GALNTL6: variants seen among roughly 807,000 people sequenced by gnomAD.
The protein encoded by GALNTL6 is polypeptide N-acetylgalactosaminyltransferase-like 6.
Under a neutral mutation model 73.7 loss-of-function variants are expected in GALNTL6, and 46 were observed. The ratio of observed to expected loss-of-function variants is 0.62; its 90% confidence interval spans 0.49 to 0.80. The LOEUF (loss-of-function observed/expected upper bound fraction) is 0.80, where lower values mean the gene tolerates loss of function less well. Ranked by LOEUF, GALNTL6 falls within the 30% of genes least tolerant of loss-of-function variation. GALNTL6 has a pLI of 0.00. For missense variants in GALNTL6, 604 were observed against 755.0 expected, an observed-to-expected ratio of 0.80 and a Z score of 2.34; for synonymous variants, 259 against 263.7, an observed-to-expected ratio of 0.98 and a Z score of 0.17.
intron 3 of GALNTL6, among the ~76,000 whole-genome samples, chr4:172,259,021 T>A (rs183231787): frequency 1.3e-5 from 2 of 151,404 alleles, no homozygotes; most frequent in African/African-American, 2.4e-5. Flanking sequence ...ACTGGTTCCA[T>A]ATTTTTGCAG....
intron 5 of GALNTL6, among the ~76,000 whole-genome samples, chr4:172,802,518 G>A (rs1236638834): frequency 6.6e-6 from 1 of 152,134 alleles, no homozygotes; most frequent in Admixed American, 6.5e-5. Context: ...TAAGGGGGCC[G>A]GGCGCAGTGG....
chr4:172,738,514 C>T (rs1736599464), intron 5 of GALNTL6, among the ~76,000 whole-genome samples: 2 of 152,052 alleles, frequency 1.3e-5, no homozygotes, highest in African/African-American at 2.4e-5. Context: ...ATACTCTACT[C>T]AAAAGGTATG....
intron 5 of GALNTL6, among the ~76,000 whole-genome samples, chr4:172,612,665 A>T (rs897219883): frequency 6.6e-6 from 1 of 152,052 alleles, no homozygotes; most frequent in Non-Finnish European, 1.5e-5. Flanking sequence ...TTGCACAATT[A>T]TACAGGAGAC....
At chr4:171,927,306 T>C (rs1578979596) in intron 2 of GALNTL6, among the ~76,000 whole-genome samples, 1 of 152,286 alleles carries the variant, frequency 6.6e-6, no homozygotes, top group East Asian at 1.9e-4. Context: ...TTTTGTTTTT[T>C]AGAAGAAGAG....
intron 5 of GALNTL6, among the ~76,000 whole-genome samples, chr4:172,728,159 G>T (rs960679029): frequency 3.3e-5 from 5 of 152,138 alleles, no homozygotes; most frequent in Non-Finnish European, 7.4e-5. Context: ...GCCTCCCAAA[G>T]TGCTGGGATT....
chr4:172,588,765 CCA>C (rs1737521979), intron 5 of GALNTL6, among the ~76,000 whole-genome samples: 1 of 152,108 alleles, frequency 6.6e-6, no homozygotes, highest in Non-Finnish European at 1.5e-5. Flanking sequence ...CATACAGTTT[CCA>C]GTTATGCAAT....
In GALNTL6 at chr4:172,712,200, T is replaced by C. The variant is rs150233922; in HGVS notation, c.554-97161T>C. ...ATTGCACTCTAAGAAAAAAACTTGCTACAAGTAAAATATAAGGAAATCATT... is the reference window on the plus strand; with the variant it reads ...ATTGCACTCTAAGAAAAAAACTTGCCACAAGTAAAATATAAGGAAATCATT... On this transcript the variant is annotated intron_variant, in intron 5 of 12. Transcript: ENST00000506823. Among the ~76,000 whole-genome samples the C allele has an allele frequency of 8.5e-3, 1,288 of 152,302 alleles. 16 individuals carry two copies. The highest frequency in any genetic ancestry group is 0.03 in the African/African-American group (1,237 of 41,566).
At chr4:172,802,205 A>G (rs1740688955) in intron 5 of GALNTL6, among the ~76,000 whole-genome samples, 1 of 152,182 alleles carries the variant, frequency 6.6e-6, no homozygotes, top group African/African-American at 2.4e-5. Context: ...GCAGCTGAAC[A>G]GGCAGGCCTC....
intron 5 of GALNTL6, among the ~76,000 whole-genome samples, chr4:172,712,558 C>G (rs1360343622): frequency 2.6e-5 from 4 of 152,144 alleles, no homozygotes; most frequent in Non-Finnish European, 5.9e-5. Flanking sequence ...AATAAAAGTT[C>G]TGGTGGTCCT....
chr4:172,874,126 C>T (rs886476362), intron 7 of GALNTL6, among the ~76,000 whole-genome samples: 9 of 152,168 alleles, frequency 5.9e-5, no homozygotes, highest in African/African-American at 2.2e-4. Flanking sequence ...ATATTTGTGT[C>T]CAAGAAGAAA....
intron 5 of GALNTL6, among the ~76,000 whole-genome samples, chr4:172,414,948 CT>C (rs1561072503): frequency 6.6e-6 from 1 of 152,046 alleles, no homozygotes; most frequent in Non-Finnish European, 1.5e-5. Flanking sequence ...CAATAACATC[CT>C]TTTTTTCACT....
chr4:172,548,001 G>A (rs771672569), intron 5 of GALNTL6, among the ~76,000 whole-genome samples: 9 of 152,144 alleles, frequency 5.9e-5, no homozygotes, highest in Non-Finnish European at 1.2e-4. Flanking sequence ...TGGAAACTAT[G>A]ACTTTGTATG....
intron 8 of GALNTL6, among the ~76,000 whole-genome samples, chr4:172,897,458 T>C (rs145782431): frequency 8.1e-4 from 124 of 152,352 alleles, no homozygotes; most frequent in African/African-American, 2.9e-3. Context: ...TCGGATTCAC[T>C]GCCTAAACTG....
intron 5 of GALNTL6, among the ~76,000 whole-genome samples, chr4:172,737,551 C>T (rs558449639): frequency 5.4e-4 from 82 of 152,244 alleles, no homozygotes; most frequent in African/African-American, 1.9e-3. Context: ...CACTGAGTTT[C>T]CTTAAAACTG....
chr4:172,769,302 A>G (rs1419668300), intron 5 of GALNTL6, among the ~76,000 whole-genome samples: 1 of 152,104 alleles, frequency 6.6e-6, no homozygotes, highest in African/African-American at 2.4e-5. Flanking sequence ...ATATTTTAGG[A>G]AAAAAATTAA....
intron 5 of GALNTL6, among the ~76,000 whole-genome samples, chr4:172,596,912 A>G (rs1737877394): frequency 6.6e-6 from 1 of 152,230 alleles, no homozygotes; most frequent in Admixed American, 6.5e-5. Flanking sequence ...AGACATTTAC[A>G]TATTTATCAC....
chr4:172,906,624 G>A (rs1421768808), intron 8 of GALNTL6, among the ~76,000 whole-genome samples: 1 of 152,202 alleles, frequency 6.6e-6, no homozygotes, highest in Non-Finnish European at 1.5e-5. Flanking sequence ...GCTGGCTCTG[G>A]TTGTTGGCAG....
rs183516024 is a variant in GALNTL6, at chr4:172,641,038, C to A, written c.554-168323C>A. Among the ~76,000 whole-genome samples, 228 of 152,140 alleles carry A rather than the reference C, an allele frequency of 1.5e-3. 1 individual carries two copies. Among genetic ancestry groups the A allele is most frequent in the Non-Finnish European group, 3.1e-3 (208 of 67,972 alleles). On this transcript the variant is annotated intron_variant, in intron 5 of 12. Transcript: ENST00000506823. ...CAAAAAACCTTAGAATCCTCCTTGA[C>A]CCTCTCTTCTCTAACTGCTCACATA...
At chr4:172,910,170 A>G (rs1238063084) in intron 8 of GALNTL6, among the ~76,000 whole-genome samples, 1 of 152,168 alleles carries the variant, frequency 6.6e-6, no homozygotes, top group Non-Finnish European at 1.5e-5. Flanking sequence ...GACAATATTC[A>G]TAGATGTCCT....
Sources: allele counts gnomAD v4.1 joint callset (sites outside exome capture counted in the v4.1 genomes callset), GRCh38; gene constraint gnomAD v4.1.1; transcripts MANE v1.5; gene names NCBI Gene and HGNC (gene_info 2026-07-23, HGNC 2026-07-21).